KATNIP: variants seen among roughly 807,000 people sequenced by gnomAD.
KATNIP encodes katanin interacting protein, also known as katanin-interacting protein.
In KATNIP, 126 loss-of-function variants were observed where a neutral mutation model predicts 174.0. That is an observed-to-expected ratio of 0.72 (90% confidence interval 0.63 to 0.84). The LOEUF is 0.84. Among genes scored for constraint, KATNIP ranks in the 40% least tolerant of loss-of-function variants. The pLI is 0.00. For synonymous variants in KATNIP, 810 were observed against 835.7 expected (o/e 0.97, Z 0.53); for missense variants, 1,958 against 2,109.7 (o/e 0.93, Z 1.41).
At chr16:27,735,157 C>T (rs1166553727) in intron 14 of KATNIP, among the ~76,000 whole-genome samples, 1 of 152,218 alleles carries the variant, frequency 6.6e-6, no homozygotes, top group Admixed American at 6.5e-5. Context: ...TCCCACCTCC[C>T]TGTGACCCCT....
intron 1 of KATNIP, among the ~76,000 whole-genome samples, chr16:27,569,723 GAA>G (rs1416372314): frequency 1.3e-5 from 2 of 152,236 alleles, no homozygotes; most frequent in African/African-American, 4.8e-5. Context: ...GGAGGAGAGA[GAA>G]AGGCTCAGTG....
At chr16:27,748,360 C>T (rs1431184060) in intron 15 of KATNIP, among the ~76,000 whole-genome samples, 6 of 152,156 alleles carry the variant, frequency 3.9e-5, no homozygotes, top group South Asian at 2.1e-4. Flanking sequence ...CTGAGGCAGG[C>T]GAATCGCTTG....
chr16:27,755,036 C>G (rs1428846524), intron 18 of KATNIP: 1 of 152,644 alleles, frequency 6.6e-6, no homozygotes, highest in Non-Finnish European at 1.5e-5. Flanking sequence ...CCCAAGGTCA[C>G]TGCTGATTGT....
At position 27,550,189 on chromosome 16, in the gene KATNIP, TG is replaced by T. The variant is rs573058578; in HGVS notation, c.7+15del. The T allele has an allele frequency of 2.9e-3, 4,601 of 1,609,084 alleles. 14 individuals carry two copies. The highest frequency in any genetic ancestry group is 3.0e-3 in the Non-Finnish European group (3,583 of 1,176,410). On this transcript the variant is annotated intron_variant, in intron 1 of 27. Coordinates refer to ENST00000261588, the MANE Select transcript of KATNIP (RefSeq NM_015202.5). Reference sequence around the variant, plus strand: ...TCTAGGGATGGACGGTGAGTGTCTGTGGGCCCCTCCGGGAGGTCGGGCTGTT... The same window carrying T: ...TCTAGGGATGGACGGTGAGTGTCTGTGGCCCCTCCGGGAGGTCGGGCTGTT...
At chr16:27,667,786 A>G (rs1324696791) in intron 6 of KATNIP, among the ~76,000 whole-genome samples, 1 of 152,228 alleles carries the variant, frequency 6.6e-6, no homozygotes, top group Non-Finnish European at 1.5e-5. Flanking sequence ...CTAGAACCCT[A>G]TTAAAGCAAT....
chr16:27,778,435 C>A, intron 27 of KATNIP, 139 bp from the exon 28 acceptor site: 1 of 785,058 alleles, frequency 1.3e-6, no homozygotes, highest in Non-Finnish European at 2.1e-6. Flanking sequence ...GGCCAGCGTG[C>A]CAGGCGCCCC....
intron 1 of KATNIP, among the ~76,000 whole-genome samples, chr16:27,561,935 T>G (rs963441039): frequency 6.6e-6 from 1 of 152,212 alleles, no homozygotes; most frequent in Non-Finnish European, 1.5e-5. Flanking sequence ...AGAGTTTATT[T>G]CATTATGCTG....
intron 9 of KATNIP, among the ~76,000 whole-genome samples, chr16:27,699,108 T>A (rs2079012280): frequency 6.6e-6 from 1 of 152,222 alleles, no homozygotes; most frequent in South Asian, 2.1e-4. Flanking sequence ...GTGAGTCGCC[T>A]GTTGAAACCC....
In KATNIP at chr16:27,709,361, C is replaced by T. The variant is rs558408057; in HGVS notation, c.1605+441C>T. 3.3e-5 allele frequency among the ~76,000 whole-genome samples: 5 copies of T among 151,996 alleles called. No individual in the cohort carries two copies. The East Asian group carries it at 7.7e-4, about 24-fold the overall frequency. On this transcript the variant is annotated intron_variant, in intron 13 of 27. Transcript: ENST00000261588. ...AATAGGCCGGGTATGGTGGCTCACA[C>T]CTGTAATCCCAGCACTTTGAGAGGC...
In KATNIP at chr16:27,727,085, T is replaced by C. The variant is rs866399921; in HGVS notation, c.1743+5390T>C. ...TCCAGTGAATGCGTGTAAAGTGCTC[T>C]GAATCATTCCTTGGCCTCCTGCCCT... is the stretch of plus-strand genomic sequence containing the variant. On this transcript the variant is annotated intron_variant, in intron 14 of 27. Transcript: ENST00000261588. 5.7e-5 allele frequency: 9 copies of C among 157,438 alleles called. No homozygotes were observed. In the Middle Eastern group the frequency reaches 4.6e-3, roughly 81 times the overall value. 9.8% of individuals were successfully genotyped at this position (157,438 alleles called of 1,614,324 possible).
chr16:27,654,752 A>T, intron 6 of KATNIP: 1 of 1,351,972 alleles, frequency 7.4e-7, no homozygotes, highest in Non-Finnish European at 9.8e-7. Flanking sequence ...ATCAGTTTTC[A>T]GCATCCTAAC....
Position 27,740,583 on chromosome 16 carries a change from G to A in KATNIP, c.2286G>A (p.Lys762=), listed in dbSNP as rs2081067345. The A allele has an allele frequency of 3.1e-6, 5 of 1,614,184 alleles. 1 individual carries two copies. Among genetic ancestry groups the A allele is most frequent in the East Asian group, 4.5e-5 (2 of 44,872 alleles). The change falls in exon 15 of 28, where the codon AAG becomes AAA. Residue 762 remains lysine (K), a synonymous_variant. Coordinates refer to ENST00000261588, the MANE Select transcript of KATNIP (RefSeq NM_015202.5). ...PSWLQPSPTG[K]DRKQGGRKPK... ...GGTTACAACCTTCTCCCACCGGCAA[G>A]GACAGGAAGCAGGGAGGCAGGAAGC...
At chr16:27,636,021 C>T (rs1034012087) in intron 5 of KATNIP, among the ~76,000 whole-genome samples, 3 of 152,012 alleles carry the variant, frequency 2.0e-5, no homozygotes, top group African/African-American at 4.8e-5. Context: ...GGCATAGTAG[C>T]GCACACCTCT....
intron 8 of KATNIP, among the ~76,000 whole-genome samples, chr16:27,693,280 TC>T (rs1242971437): frequency 3.9e-5 from 6 of 152,186 alleles, no homozygotes; most frequent in Admixed American, 1.3e-4. Context: ...GCGAGCAGAA[TC>T]CCTGGCTCAC....
chr16:27,769,725 T>C (rs919813457), intron 20 of KATNIP, 136 bp from the exon 21 acceptor site: 2 of 1,008,798 alleles, frequency 2.0e-6, no homozygotes, highest in Admixed American at 4.0e-5. Flanking sequence ...ATATGGGAAA[T>C]GGACCTCGGT....
chr16:27,712,497 T>C (rs1291923977), intron 13 of KATNIP, among the ~76,000 whole-genome samples: 1 of 152,140 alleles, frequency 6.6e-6, no homozygotes, highest in Non-Finnish European at 1.5e-5. Flanking sequence ...CCCCAGGCCA[T>C]GCGCATGGCT....
At chr16:27,666,221 C>T (rs1185589854) in intron 6 of KATNIP, among the ~76,000 whole-genome samples, 4 of 152,158 alleles carry the variant, frequency 2.6e-5, no homozygotes, top group Admixed American at 2.6e-4. Context: ...CAGTGATGCA[C>T]TTTAGAGGCT....
chr16:27,597,402 C>CTTTTTTTTTTTTTT (rs36005993), intron 2 of KATNIP, among the ~76,000 whole-genome samples: 1 of 46,128 alleles, frequency 2.2e-5, no homozygotes, highest in Non-Finnish European at 4.2e-5. Context: ...ATTTTCTTTT[C>CTTTTTTTTTTTTTT]TTTTTTTTTT....
intron 1 of KATNIP, among the ~76,000 whole-genome samples, chr16:27,565,802 C>CAAAAAAAAAAA (rs536556595): frequency 1.5e-5 from 2 of 130,304 alleles, no homozygotes; most frequent in Non-Finnish European, 1.7e-5. Context: ...AACAAAAAAA[C>CAAAAAAAAAAA]AAAAAAAAAA....
Sources: allele counts gnomAD v4.1 joint callset (sites outside exome capture counted in the v4.1 genomes callset), GRCh38; gene constraint gnomAD v4.1.1; transcripts MANE v1.5; gene names NCBI Gene and HGNC (gene_info 2026-07-23, HGNC 2026-07-21).